The following GABBR1 variants were observed in gnomAD, a reference collection of about 807,000 sequenced individuals.
GABBR1 encodes gamma-aminobutyric acid type B receptor subunit 1.
In GABBR1, 35 loss-of-function variants were observed where a neutral mutation model predicts 117.7. The ratio of observed to expected loss-of-function variants is 0.30; its 90% CI spans 0.23 to 0.39. The LOEUF is 0.39. GABBR1 is among the 10% of genes least tolerant of loss of function. The pLI is 1.00. For synonymous variants in GABBR1, 442 were observed against 486.6 expected, an observed-to-expected ratio of 0.91 and a Z score of 1.21; for missense variants, 709 against 1,241.8, an observed-to-expected ratio of 0.57 and a Z score of 6.45.
chr6:29,621,120 G>T lies in GABBR1; in HGVS notation c.1304C>A (p.Thr435Asn). ...TCTCACCATGTTGGAAATGCTGCGG[G>T]TATTGGCAGGATTCAGCATGACAAT... ...TEIVMLNPANTRSISNMTSQE... is the reference protein window; with the variant it reads ...TEIVMLNPANNRSISNMTSQE... The change falls in exon 11 of 23, where the codon ACC becomes AAC. Residue 435 changes from threonine to asparagine, a missense_variant. Transcript: ENST00000377034. The surrounding 1 kb of genome is among the most constrained non-coding windows in gnomAD (Gnocchi z 5.0). The T allele has an allele frequency of 6.2e-7, 1 of 1,612,792 alleles. No homozygotes were observed. The highest frequency in any genetic ancestry group is 8.5e-7 in the Non-Finnish European group (1 of 1,179,936).
chr6:29,602,853 C>T lies in GABBR1; in HGVS notation c.*690G>A, dbSNP rs1006168928. On this transcript the variant is annotated 3_prime_UTR_variant, in exon 23 of 23. Coordinates refer to ENST00000377034, the MANE Select transcript of GABBR1 (RefSeq NM_001470.4). The stretch of plus-strand genomic sequence containing the variant: ...CACGTAGCTGTGAATGCAGGGCACC[C>T]GAGAGCACATGTGACTGAACATGAA... 4.9e-5 allele frequency: 18 copies of T among 368,124 alleles called. No homozygotes were observed. The highest frequency in any genetic ancestry group is 1.9e-4 in the African/African-American group (9 of 47,042). 22.8% of individuals were successfully genotyped at this position (368,124 alleles called of 1,614,324 possible).
In GABBR1 at chr6:29,627,937, G is replaced by A; in HGVS notation, c.497-291C>T. 7.4e-7 allele frequency: 1 copy of A among 1,356,978 alleles called. No individual in the cohort carries two copies. The highest frequency in any genetic ancestry group is 2.7e-4 in the Middle Eastern group (1 of 3,720). The allele number at this position is 1,356,978 out of a possible 1,614,324, so 84.1% of individuals were successfully genotyped here. A position where few individuals can be genotyped will look rare whatever the true frequency, so the allele number is the denominator to read the frequency against. On this transcript the variant is annotated intron_variant, in intron 5 of 22. Transcript: ENST00000377034. The surrounding 1 kb of genome is among the most constrained non-coding windows in gnomAD (Gnocchi z 4.4). ...AGGGGGCGAGGGCCCCGGAGAAGCA[G>A]GGAAGGTTGGCTTCCTACGGCCCCC...
In GABBR1 at chr6:29,613,472, A is replaced by G. The variant is rs1305116609; in HGVS notation, c.1337T>C (p.Phe446Ser). ...RSISNMTSQEFVEKLTKRLKR... is the reference protein window; with the variant it reads ...RSISNMTSQESVEKLTKRLKR... ...CAGTCGCTTGGTTAGTTTCTCCACA[A>G]ATTCCTGGGATGTCTTGGGAGGAAA... is the stretch of plus-strand genomic sequence containing the variant. Residue 446 changes from phenylalanine (F) to serine (S), a missense_variant, in exon 12 of 23, where the codon TTT becomes TCT. Coordinates refer to ENST00000377034, the MANE Select transcript of GABBR1 (RefSeq NM_001470.4). The surrounding 1 kb of genome is among the most constrained non-coding windows in gnomAD (Gnocchi z 4.1). The G allele has an allele frequency of 6.2e-7, 1 of 1,612,436 alleles. No homozygotes were observed. The highest frequency in any genetic ancestry group is 8.5e-7 in the Non-Finnish European group (1 of 1,179,620).
At position 29,624,081 on chromosome 6, in the gene GABBR1, A is replaced by C. The variant is rs191545217; in HGVS notation, c.658-57T>G. On this transcript the variant is annotated intron_variant, in intron 6 of 22. Coordinates refer to ENST00000377034, the MANE Select transcript of GABBR1 (RefSeq NM_001470.4). ...TCCTGGGGCCCCTCCCCTGTCTGCA[A>C]TTCCTGCTCTTATCTTTCTCGAACA... 102 of 1,482,258 alleles carry C rather than the reference A, an allele frequency of 6.9e-5. No individual in the cohort carries two copies. In the African/African-American group the frequency reaches 1.3e-3, roughly 19 times the overall value. 91.8% of individuals were successfully genotyped at this position (1,482,258 alleles called of 1,614,324 possible).
At chr6:29,619,015 A>C (rs1198714385) in intron 11 of GABBR1, among the ~76,000 whole-genome samples, 1 of 152,196 alleles carries the variant, frequency 6.6e-6, no homozygotes, top group Non-Finnish European at 1.5e-5. Flanking sequence ...TCCCCAGACC[A>C]GTACATCTGC....
rs550307496 is a variant in GABBR1 at position 29,632,830 on chromosome 6, C to T, written c.-1+20G>A. 281 of 522,866 alleles carry T rather than the reference C, an allele frequency of 5.4e-4. 1 individual carries two copies. Among genetic ancestry groups the T allele is most frequent in the African/African-American group, 5.3e-3 (251 of 47,094 alleles). 32.4% of individuals were successfully genotyped at this position (522,866 alleles called of 1,614,324 possible). On this transcript the variant is annotated intron_variant, in intron 1 of 22. Transcript: ENST00000377034. The surrounding 1 kb of genome is among the most constrained non-coding windows in gnomAD (Gnocchi z 5.8). ...GCGCCCCCTCTCCGAGCCCTGCTAACCCGGGGCCCTGGCTCTTACCTCGGC... is the reference window on the plus strand; with the variant it reads ...GCGCCCCCTCTCCGAGCCCTGCTAATCCGGGGCCCTGGCTCTTACCTCGGC...
chr6:29,615,642 A>AG (rs1011818444), intron 11 of GABBR1, among the ~76,000 whole-genome samples: 1 of 150,860 alleles, frequency 6.6e-6, no homozygotes, highest in African/African-American at 2.4e-5. Flanking sequence ...AGCCAGGCAC[A>AG]GGGGGCTCAC....
chr6:29,623,279 T>C lies in GABBR1; in HGVS notation c.963+26A>G. 6.2e-7 allele frequency: 1 copy of C among 1,601,264 alleles called. No individual in the cohort carries two copies. Among genetic ancestry groups the C allele is most frequent in the African/African-American group, 1.3e-5 (1 of 74,868 alleles). On this transcript the variant is annotated intron_variant, in intron 8 of 22. Coordinates refer to ENST00000377034, the MANE Select transcript of GABBR1 (RefSeq NM_001470.4). This position sits in a 1 kb window ranked among gnomAD's most constrained non-coding sequence, Gnocchi z 6.2. Reference sequence around the variant, plus strand: ...TGCTGGAATTTGAGCTTATGTCCCTTTACCCCTTGCCCAACCCCTCCTCAC... The same window carrying C: ...TGCTGGAATTTGAGCTTATGTCCCTCTACCCCTTGCCCAACCCCTCCTCAC...
In GABBR1 at chr6:29,607,319, G is replaced by A. The variant is rs1387961507; in HGVS notation, c.1993-101C>T. The A allele has an allele frequency of 1.1e-6, 1 of 909,948 alleles. No homozygotes were observed. Among genetic ancestry groups the A allele is most frequent in the African/African-American group, 1.6e-5 (1 of 61,222 alleles). The allele number at this position is 909,948 out of a possible 1,614,324, so 56.4% of individuals were successfully genotyped here. A position where few individuals can be genotyped will look rare whatever the true frequency, so the allele number is the denominator to read the frequency against. On this transcript the variant is annotated intron_variant, in intron 16 of 22. Coordinates refer to ENST00000377034, the MANE Select transcript of GABBR1 (RefSeq NM_001470.4). This position sits in a 1 kb window ranked among gnomAD's most constrained non-coding sequence, Gnocchi z 5.0. ...TAAGGGAGAGTGGGCAGGGAGCACG[G>A]GCAGGGAGCTCATGGTGGCACAGGG...
At chr6:29,610,139 C>A (rs1306931646) in intron 14 of GABBR1, among the ~76,000 whole-genome samples, 1 of 151,342 alleles carries the variant, frequency 6.6e-6, no homozygotes, top group Non-Finnish European at 1.5e-5. Context: ...GCAGGGCAGA[C>A]GGCAGCCATC....
rs920424832 is a variant in GABBR1 at position 29,629,097 on chromosome 6, C to G, written c.486G>C (p.Thr162=). The G allele has an allele frequency of 3.7e-6, 6 of 1,612,718 alleles. No individual in the cohort carries two copies. The highest frequency in any genetic ancestry group is 5.1e-6 in the Non-Finnish European group (6 of 1,180,010). The change falls in exon 5 of 23, where the codon ACG becomes ACC. Residue 162 remains threonine, a synonymous_variant. Transcript: ENST00000377034. ...TPKPHCQVNR[T]PHSERRAVYI... ...GGTTTCTCATCTCACCTGAGTGTGGCGTTCGATTCACTGGCAGCAGGAAAG... is the reference window on the plus strand; with the variant it reads ...GGTTTCTCATCTCACCTGAGTGTGGGGTTCGATTCACTGGCAGCAGGAAAG...
chr6:29,624,102 G>C, intron 6 of GABBR1, 78 bp from the exon 7 acceptor site: 1 of 1,345,172 alleles, frequency 7.4e-7, no homozygotes, highest in Non-Finnish European at 1.0e-6. Flanking sequence ...TATCTTTCTC[G>C]AACAAATTAG....
intron 11 of GABBR1, among the ~76,000 whole-genome samples, chr6:29,617,162 T>C (rs1763223822): frequency 6.6e-6 from 1 of 152,054 alleles, no homozygotes; most frequent in African/African-American, 2.4e-5. Flanking sequence ...AGAACATGTA[T>C]AAAAATGCTG....
chr6:29,627,456 CCTCCCA>C lies in GABBR1; in HGVS notation c.657+24_657+29del. 42 of 1,251,718 alleles carry C rather than the reference CCTCCCA, an allele frequency of 3.4e-5. No individual in the cohort carries two copies. The highest frequency in any genetic ancestry group is 4.8e-5 in the Non-Finnish European group (42 of 883,462). The allele number at this position is 1,251,718 out of a possible 1,614,324, so 77.5% of individuals were successfully genotyped here. A position where few individuals can be genotyped will look rare whatever the true frequency, so the allele number is the denominator to read the frequency against. Reference sequence around the variant, plus strand: ...TGGCCCCCTGCCCCGCAAGCCCCCACCTCCCACCCACCCCCATGTCCAGGGCTACCT... The same window carrying C: ...TGGCCCCCTGCCCCGCAAGCCCCCACCCCACCCCCATGTCCAGGGCTACCT... On this transcript the variant is annotated intron_variant, in intron 6 of 22. Transcript: ENST00000377034. The surrounding 1 kb of genome is among the most constrained non-coding windows in gnomAD (Gnocchi z 4.4).
chr6:29,605,122 G>A lies in GABBR1; in HGVS notation c.2440-134C>T. On this transcript the variant is annotated intron_variant, in intron 20 of 22. Coordinates refer to ENST00000377034, the MANE Select transcript of GABBR1 (RefSeq NM_001470.4). This position sits in a 1 kb window ranked among gnomAD's most constrained non-coding sequence, Gnocchi z 4.2. ...TCCCTTTGAAAAGGATCCAAATTCA[G>A]GATCATCCTCAAATATAGATTGAGA... 5.4e-6 allele frequency: 5 copies of A among 929,728 alleles called. No individual in the cohort carries two copies. In the South Asian group the frequency reaches 9.2e-5, roughly 17 times the overall value. The allele number at this position is 929,728 out of a possible 1,614,324, so 57.6% of individuals were successfully genotyped here. A position where few individuals can be genotyped will look rare whatever the true frequency, so the allele number is the denominator to read the frequency against.
In GABBR1 at chr6:29,605,161, G is replaced by C. The variant is rs181110025; in HGVS notation, c.2440-173C>G. 32 of 724,416 alleles carry C rather than the reference G, an allele frequency of 4.4e-5. No individual in the cohort carries two copies. In the East Asian group the frequency reaches 7.5e-4, roughly 17 times the overall value. The allele number at this position is 724,416 out of a possible 1,614,324, so 44.9% of individuals were successfully genotyped here. A position where few individuals can be genotyped will look rare whatever the true frequency, so the allele number is the denominator to read the frequency against. On this transcript the variant is annotated intron_variant, in intron 20 of 22. Transcript: ENST00000377034. The surrounding 1 kb of genome is among the most constrained non-coding windows in gnomAD (Gnocchi z 4.2). ...TATAGATTGAGAAAAATCTCAAACT[G>C]TCCCAAACCAGTTTTCACTCTTGGT...
In GABBR1 at chr6:29,605,477, G is replaced by A. The variant is rs2076482; in HGVS notation, c.2439+92C>T. On this transcript the variant is annotated intron_variant, in intron 20 of 22. Coordinates refer to ENST00000377034, the MANE Select transcript of GABBR1 (RefSeq NM_001470.4). This position sits in a 1 kb window ranked among gnomAD's most constrained non-coding sequence, Gnocchi z 4.2. ...AACTTTTTAAGACTTCTAAGCAACC[G>A]ATCCCAGATCTAGCATTGATTCTTC... 7,973 of 1,469,694 alleles carry A rather than the reference G, an allele frequency of 5.4e-3. 209 individuals carry two copies. The East Asian group carries it at 0.059, about 11-fold the overall frequency. 91.0% of individuals were successfully genotyped at this position (1,469,694 alleles called of 1,614,324 possible).
At chr6:29,612,440 G>A in intron 13 of GABBR1, 111 bp downstream of exon 13, 1 of 735,516 alleles carries the variant, frequency 1.4e-6, no homozygotes, top group Non-Finnish European at 2.3e-6. Flanking sequence ...GGCAGAAGTT[G>A]GGAGGTGCCA....
At chr6:29,610,375 C>T (rs1256552488) in intron 14 of GABBR1, among the ~76,000 whole-genome samples, 1 of 152,202 alleles carries the variant, frequency 6.6e-6, no homozygotes, top group East Asian at 1.9e-4. Context: ...AACGCCCGGA[C>T]TTCACCACTA....
Sources: gnomAD v4.1 joint callset for allele counts (sites outside exome capture counted in the v4.1 genomes callset) on GRCh38, gnomAD v4.1.1 for gene constraint, Gnocchi (gnomAD v3.1) non-coding constraint, MANE v1.5 for transcripts, NCBI Gene and HGNC (gene_info 2026-07-23, HGNC 2026-07-21) for gene names.